The following DISP1 variants were observed in gnomAD, a reference collection of about 807,000 sequenced individuals.
DISP1 encodes the protein dispatched RND transporter family member 1.
DISP1 carries 30 observed loss-of-function variants against 37.3 expected under a neutral mutation model. The ratio of observed to expected loss-of-function variants is 0.80; its 90% CI spans 0.60 to 1.09. DISP1 has a LOEUF of 1.09. DISP1 is among the 50% of genes least tolerant of loss of function. The pLI is 0.00. For synonymous variants in DISP1, 634 were observed against 690.2 expected (o/e 0.92, Z 1.28); for missense variants, 1,598 against 1,879.5 (o/e 0.85, Z 2.77).
At chr1:222,965,972 G>T (rs1183977171) in intron 3 of DISP1, among the ~76,000 whole-genome samples, 1 of 152,116 alleles carries the variant, frequency 6.6e-6, no homozygotes, top group Non-Finnish European at 1.5e-5. Context: ...GATCAAGGCT[G>T]CAGTGAGCCA....
chr1:222,960,562 T>C (rs559787373), intron 3 of DISP1, among the ~76,000 whole-genome samples: 4 of 151,974 alleles, frequency 2.6e-5, no homozygotes, highest in African/African-American at 9.6e-5. Context: ...TTAAAAGAGC[T>C]AGAGAGGCAA....
chr1:222,936,952 T>A (rs1461515337), intron 2 of DISP1, among the ~76,000 whole-genome samples: 2 of 99,418 alleles, frequency 2.0e-5, no homozygotes, highest in African/African-American at 8.0e-5. Context: ...ATATATTACA[T>A]ATTATATTAT....
intron 2 of DISP1, among the ~76,000 whole-genome samples, chr1:222,930,713 A>G (rs1386365608): frequency 6.6e-6 from 1 of 152,148 alleles, no homozygotes; most frequent in Non-Finnish European, 1.5e-5. Flanking sequence ...TATACAAGAA[A>G]GCAAACAGCA....
intron 1 of DISP1, among the ~76,000 whole-genome samples, chr1:222,926,568 A>G (rs542566036): frequency 3.6e-4 from 55 of 152,328 alleles, no homozygotes; most frequent in Non-Finnish European, 6.5e-4. Context: ...CAGTTGATCA[A>G]TATATAACCT....
chr1:222,894,157 C>G (rs890593519), intron 1 of DISP1, among the ~76,000 whole-genome samples: 10 of 152,126 alleles, frequency 6.6e-5, no homozygotes, highest in African/African-American at 2.4e-4. Flanking sequence ...AAAAAGCTCC[C>G]TAAGTTCTCA....
intron 1 of DISP1, among the ~76,000 whole-genome samples, chr1:222,826,319 T>C (rs779440464): frequency 7.2e-5 from 11 of 152,070 alleles, no homozygotes; most frequent in Non-Finnish European, 1.3e-4. Flanking sequence ...AACCTGATTA[T>C]TAGTAATTAG....
chr1:223,004,520 C>A lies in DISP1; in HGVS notation c.3123C>A (p.Thr1041=), dbSNP rs1408391817. ...GWELNVLESV[T]ISVAVGLSVD... is the part of the protein sequence containing the mutation. Reference sequence around the variant, plus strand: ...AGCTCAATGTGTTGGAATCTGTCACCATTTCGGTTGCCGTCGGCTTGTCTG... The same window carrying A: ...AGCTCAATGTGTTGGAATCTGTCACAATTTCGGTTGCCGTCGGCTTGTCTG... Residue 1041 remains threonine (T), a synonymous_variant, in exon 9 of 9, where the codon ACC becomes ACA. Coordinates refer to ENST00000675850, the MANE Select transcript of DISP1 (RefSeq NM_001377229.1). The surrounding 1 kb of genome is among the most constrained non-coding windows in gnomAD (Gnocchi z 4.9). 4 of 1,614,114 alleles carry A rather than the reference C, an allele frequency of 2.5e-6. No individual in the cohort carries two copies. In the African/African-American group the frequency reaches 5.3e-5, roughly 22 times the overall value.
At chr1:222,830,444 G>A (rs1046181941) in intron 1 of DISP1, among the ~76,000 whole-genome samples, 17 of 151,390 alleles carry the variant, frequency 1.1e-4, no homozygotes, top group Non-Finnish European at 2.1e-4. Context: ...GCCGTGGCCC[G>A]ATCTCGGCTC....
At chr1:222,986,932 CA>C (rs1325832513) in intron 4 of DISP1, among the ~76,000 whole-genome samples, 1 of 151,966 alleles carries the variant, frequency 6.6e-6, no homozygotes, top group African/African-American at 2.4e-5. Flanking sequence ...GGATGAAAGA[CA>C]AATATGATTT....
chr1:222,847,991 C>T (rs547899191), intron 1 of DISP1, among the ~76,000 whole-genome samples: 2 of 150,616 alleles, frequency 1.3e-5, no homozygotes, highest in Non-Finnish European at 3.0e-5. Context: ...TTTCTGTGAA[C>T]CTATTGGTTT....
At chr1:222,906,154 A>G (rs1488610532) in intron 1 of DISP1, among the ~76,000 whole-genome samples, 1 of 152,218 alleles carries the variant, frequency 6.6e-6, no homozygotes, top group Non-Finnish European at 1.5e-5. Context: ...AAGATACTGC[A>G]AATGTATTCA....
At chr1:222,932,755 G>C (rs1673482628) in intron 2 of DISP1, among the ~76,000 whole-genome samples, 1 of 151,958 alleles carries the variant, frequency 6.6e-6, no homozygotes, top group South Asian at 2.1e-4. Flanking sequence ...GTGGAGAGAA[G>C]TGGTAAATAT....
At chr1:222,837,330 T>G (rs1308594078) in intron 1 of DISP1, 1 of 366,314 alleles carries the variant, frequency 2.7e-6, no homozygotes, top group Non-Finnish European at 4.8e-6. Flanking sequence ...CCCTAGGTTA[T>G]CCACTTACTT....
intron 1 of DISP1, among the ~76,000 whole-genome samples, chr1:222,834,129 A>G (rs890792512): frequency 6.6e-6 from 1 of 152,140 alleles, no homozygotes; most frequent in Non-Finnish European, 1.5e-5. Flanking sequence ...GCAGCATCTT[A>G]TAGAATGGTG....
intron 3 of DISP1, among the ~76,000 whole-genome samples, chr1:222,972,197 A>G (rs1677007496): frequency 2.0e-5 from 3 of 152,148 alleles, no homozygotes; most frequent in Admixed American, 2.0e-4. Context: ...CCAAAATGTC[A>G]CCAGAATTAT....
intron 7 of DISP1, among the ~76,000 whole-genome samples, chr1:222,993,493 G>T (rs1359983257): frequency 6.6e-6 from 1 of 152,056 alleles, no homozygotes; most frequent in Non-Finnish European, 1.5e-5. Context: ...TGACCTGATT[G>T]GATCTTTGAT....
chr1:222,869,075 A>G (rs773811774), intron 1 of DISP1, among the ~76,000 whole-genome samples: 6 of 152,086 alleles, frequency 3.9e-5, no homozygotes, highest in Non-Finnish European at 7.4e-5. Context: ...TGTAATTACA[A>G]TTTTTATTTA....
At position 222,893,911 on chromosome 1, in the gene DISP1, T is replaced by C. The variant is rs1203496476; in HGVS notation, c.-158-34519T>C. Among the ~76,000 whole-genome samples the C allele has an allele frequency of 1.3e-5, 2 of 152,180 alleles. No individual in the cohort carries two copies. Among genetic ancestry groups the C allele is most frequent in the African/African-American group, 4.8e-5 (2 of 41,442 alleles). Reference sequence around the variant, plus strand: ...AGGAATAATGAGGTACATGGACAACTGGAGTGTGAGCAAGGTGGAGAGGAG... The same window carrying C: ...AGGAATAATGAGGTACATGGACAACCGGAGTGTGAGCAAGGTGGAGAGGAG... On this transcript the variant is annotated intron_variant, in intron 1 of 8. Transcript: ENST00000675850. The surrounding 1 kb of genome is among the most constrained non-coding windows in gnomAD (Gnocchi z 4.3).
chr1:222,875,654 TA>T (rs1161033639), intron 1 of DISP1, among the ~76,000 whole-genome samples: 26 of 93,674 alleles, frequency 2.8e-4, no homozygotes, highest in South Asian at 7.8e-4. Flanking sequence ...CTGTCTCTAC[TA>T]AAAAAAAAAA....
Sources: gnomAD v4.1 joint callset for allele counts (sites outside exome capture counted in the v4.1 genomes callset) on GRCh38, gnomAD v4.1.1 for gene constraint, Gnocchi (gnomAD v3.1) non-coding constraint, MANE v1.5 for transcripts, NCBI Gene and HGNC (gene_info 2026-07-23, HGNC 2026-07-21) for gene names.